The following ZNF578 variants were observed in gnomAD, a reference collection of about 807,000 sequenced individuals.
ZNF578 encodes the protein zinc finger protein 578, also known as Putative chemokine-related protein B42.
Under a neutral mutation model 8.3 loss-of-function variants are expected in ZNF578, and 8 were observed. That is an observed-to-expected ratio of 0.96 (90% CI 0.56 to 1.74). The LOEUF (loss-of-function observed/expected upper bound fraction) is 1.74. ZNF578 is among the 40% of genes most tolerant of loss of function. The pLI, the probability that ZNF578 is intolerant of heterozygous loss-of-function variation, is 0.00. For synonymous variants in ZNF578, 206 were observed against 232.2 expected, an observed-to-expected ratio of 0.89 and a Z score of 1.03; for missense variants, 726 against 707.5, an observed-to-expected ratio of 1.03 and a Z score of -0.30.
intron 2 of ZNF578, among the ~76,000 whole-genome samples, chr19:52,462,347 C>T (rs78799025): frequency 6.6e-6 from 1 of 152,096 alleles, no homozygotes; most frequent in Non-Finnish European, 1.5e-5. Flanking sequence ...ACTGATAACC[C>T]ATGGACACAT....
chr19:52,480,238 T>G (rs1000002374), intron 2 of ZNF578, among the ~76,000 whole-genome samples: 2 of 152,126 alleles, frequency 1.3e-5, no homozygotes, highest in African/African-American at 4.8e-5. Flanking sequence ...CCTGTAAATA[T>G]TATGTAGCTA....
intron 3 of ZNF578, among the ~76,000 whole-genome samples, chr19:52,493,260 C>A (rs2059372946): frequency 6.6e-6 from 1 of 152,106 alleles, no homozygotes; most frequent in African/African-American, 2.4e-5. Flanking sequence ...TCTGCCTGGT[C>A]CTGGAATCCT....
chr19:52,505,279 G>A (rs2059421754), intron 5 of ZNF578, among the ~76,000 whole-genome samples: 1 of 152,142 alleles, frequency 6.6e-6, no homozygotes, highest in Non-Finnish European at 1.5e-5. Context: ...TCTCTAAGCA[G>A]CAGTCAGTGG....
chr19:52,482,706 G>A (rs2122847805), intron 2 of ZNF578, among the ~76,000 whole-genome samples: 1 of 151,970 alleles, frequency 6.6e-6, no homozygotes, highest in South Asian at 2.1e-4. Flanking sequence ...CCAGCACTTA[G>A]GGAGCAAATC....
At chr19:52,478,341 A>G (rs1441581689) in intron 2 of ZNF578, among the ~76,000 whole-genome samples, 1 of 152,140 alleles carries the variant, frequency 6.6e-6, no homozygotes, top group Non-Finnish European at 1.5e-5. Context: ...GCTGTGGGCT[A>G]TTTGTATCGG....
At chr19:52,476,633 A>T (rs540885636) in intron 2 of ZNF578, among the ~76,000 whole-genome samples, 1 of 152,322 alleles carries the variant, frequency 6.6e-6, no homozygotes, top group Admixed American at 6.5e-5. Flanking sequence ...CCATGCCGTA[A>T]GTCTCAGCCC....
chr19:52,465,260 C>T (rs7259176), intron 2 of ZNF578, among the ~76,000 whole-genome samples: 2,647 of 152,056 alleles, frequency 0.017, 70 homozygotes, highest in African/African-American at 0.062. Flanking sequence ...CTCGGTGAGC[C>T]GAGTATCGGG....
intron 5 of ZNF578, among the ~76,000 whole-genome samples, chr19:52,505,463 C>A (rs1374816666): frequency 2.6e-5 from 4 of 152,114 alleles, no homozygotes; most frequent in African/African-American, 9.7e-5. Context: ...CGCTCTTTCA[C>A]CCAGGCCGAC....
chr19:52,463,564 A>ATGAGTTC (rs1424069572), intron 2 of ZNF578, among the ~76,000 whole-genome samples: 1 of 151,738 alleles, frequency 6.6e-6, no homozygotes, highest in Non-Finnish European at 1.5e-5. Flanking sequence ...GACATGAGTT[A>ATGAGTTC]TATAGAAAAG....
intron 4 of ZNF578, among the ~76,000 whole-genome samples, chr19:52,503,800 CT>C (rs59166209): frequency 1.5e-3 from 192 of 125,454 alleles, no homozygotes; most frequent in East Asian, 9.3e-3. Context: ...CCTGTGTTTG[CT>C]TTTTTTTTTT....
Position 52,511,803 on chromosome 19 carries a change from G to T in ZNF578, c.1422G>T (p.Lys474Asn). 6.2e-7 allele frequency: 1 copy of T among 1,613,078 alleles called. No individual in the cohort carries two copies. Among genetic ancestry groups the T allele is most frequent in the South Asian group, 1.1e-5 (1 of 91,034 alleles). Residue 474 changes from lysine to asparagine, a missense_variant, in exon 6 of 6, where the codon AAG becomes AAT. Lys to Asn is a moderately conservative substitution (Grantham distance 94). Transcript: ENST00000421239. ...AGAAATCAAACCTTGAGAGACACAA[G>T]ATAATTCATACTGGAGAGAAACCTT... is the stretch of plus-strand genomic sequence containing the variant. Reference protein sequence around the residue: ...FSQKSNLERHKIIHTGEKPYK... With the variant: ...FSQKSNLERHNIIHTGEKPYK...
rs774265646 is a variant in ZNF578 at position 52,511,879 on chromosome 19, T to C, written c.1498T>C (p.Cys500Arg). 1.2e-6 allele frequency: 2 copies of C among 1,611,848 alleles called. No individual in the cohort carries two copies. The highest frequency in any genetic ancestry group is 1.3e-5 in the African/African-American group (1 of 74,242). Residue 500 changes from cysteine (C) to arginine (R), a missense_variant, in exon 6 of 6, where the codon TGC (cysteine) becomes CGC (arginine). Coordinates refer to ENST00000421239, the MANE Select transcript of ZNF578 (RefSeq NM_001099694.2). ...CTTCAGTCACAGGTCATCTCTTCCA[T>C]GCCATCGTAGACTTCATAGTGGTGA... is the stretch of plus-strand genomic sequence containing the variant. ...KTFSHRSSLP[C>R]HRRLHSGEKP...
chr19:52,456,381 C>A (rs1352699681), intron 1 of ZNF578: 4 of 152,228 alleles, frequency 2.6e-5, no homozygotes, highest in Admixed American at 2.6e-4. Context: ...CTTGTGCCTC[C>A]TTTCCAGAGA....
intron 2 of ZNF578, among the ~76,000 whole-genome samples, chr19:52,479,482 C>T (rs550594532): frequency 7.4e-5 from 10 of 135,356 alleles, no homozygotes; most frequent in Non-Finnish European, 1.4e-4. Flanking sequence ...TTGCAGTGAG[C>T]GGAGATTGTG....
chr19:52,480,278 G>A (rs1189613037), intron 2 of ZNF578, among the ~76,000 whole-genome samples: 1 of 152,128 alleles, frequency 6.6e-6, no homozygotes, highest in East Asian at 1.9e-4. Context: ...TGACATAATG[G>A]TAGGTTTCTT....
chr19:52,511,029 A>C lies in ZNF578; in HGVS notation c.648A>C (p.Ser216=), dbSNP rs1568467959. The C allele has an allele frequency of 1.2e-6, 2 of 1,614,226 alleles. No homozygotes were observed. Among genetic ancestry groups the C allele is most frequent in the Non-Finnish European group, 1.7e-6 (2 of 1,180,036 alleles). The change falls in exon 6 of 6, where the codon TCA becomes TCC. Residue 216 remains serine (S), a synonymous_variant. Coordinates refer to ENST00000421239, the MANE Select transcript of ZNF578 (RefSeq NM_001099694.2). ...NNYGNNFFHS[S]LLTQKQEVHM... ...ATGGGAATAATTTTTTCCATTCATC[A>C]TTACTCACACAAAAACAGGAAGTAC... is the stretch of plus-strand genomic sequence containing the variant.
At position 52,516,701 on chromosome 19, in the gene ZNF578, C is replaced by T. The variant is rs1372077009; in HGVS notation, c.*4547C>T. Reference sequence around the variant, plus strand: ...TTCAGAAGGCTCTTTGTAATCCTCCCCACCCTTGAGAATGGACTTGGTGAG... The same window carrying T: ...TTCAGAAGGCTCTTTGTAATCCTCCTCACCCTTGAGAATGGACTTGGTGAG... On this transcript the variant is annotated 3_prime_UTR_variant, in exon 6 of 6. Transcript: ENST00000421239. 1.3e-5 allele frequency among the ~76,000 whole-genome samples: 2 copies of T among 152,146 alleles called. No homozygotes were observed. The highest frequency in any genetic ancestry group is 4.8e-5 in the African/African-American group (2 of 41,426).
chr19:52,488,375 A>C (rs1027600706), intron 2 of ZNF578, among the ~76,000 whole-genome samples: 2 of 151,938 alleles, frequency 1.3e-5, no homozygotes, highest in African/African-American at 4.8e-5. Context: ...CAACACAGTG[A>C]AACTCAATCT....
At chr19:52,466,941 C>A (rs560037975) in intron 2 of ZNF578, among the ~76,000 whole-genome samples, 39 of 152,172 alleles carry the variant, frequency 2.6e-4, no homozygotes, top group South Asian at 2.5e-3. Context: ...ATATATAATA[C>A]CCTTTCATGA....
Sources: gnomAD v4.1 joint callset for allele counts (sites outside exome capture counted in the v4.1 genomes callset) on GRCh38, gnomAD v4.1.1 for gene constraint, MANE v1.5 for transcripts, NCBI Gene and HGNC (gene_info 2026-07-23, HGNC 2026-07-21) for gene names.